Variants in IQSEC1 observed in about 807,000 individuals in gnomAD.
IQSEC1 encodes IQ motif and SEC7 domain-containing protein 1.
IQSEC1 carries 31 observed loss-of-function variants against 91.0 expected under a neutral mutation model. The ratio of observed to expected loss-of-function variants is 0.34; its 90% CI spans 0.26 to 0.46. The LOEUF (loss-of-function observed/expected upper bound fraction) is 0.46. Among genes scored for constraint, IQSEC1 ranks in the 20% least tolerant of loss-of-function variants. IQSEC1 has a pLI of 1.00. For synonymous variants in IQSEC1, 699 were observed against 662.6 expected, an observed-to-expected ratio of 1.05 and a Z score of -0.84; for missense variants, 1,388 against 1,575.6, an observed-to-expected ratio of 0.88 and a Z score of 2.02.
At chr3:12,953,648 G>C (rs543054298) in intron 1 of IQSEC1, among the ~76,000 whole-genome samples, 3 of 152,208 alleles carry the variant, frequency 2.0e-5, no homozygotes, top group Admixed American at 6.5e-5. Flanking sequence ...AGCAGTCAGC[G>C]TACAGGGGGC....
chr3:13,241,416 T>C (rs1695019586), intron 1 of IQSEC1, among the ~76,000 whole-genome samples: 1 of 152,220 alleles, frequency 6.6e-6, no homozygotes, highest in African/African-American at 2.4e-5. Flanking sequence ...TTCTCCATTT[T>C]CTACGCCTGG....
intron 1 of IQSEC1, among the ~76,000 whole-genome samples, chr3:13,235,957 G>A (rs945526189): frequency 6.6e-6 from 1 of 152,128 alleles, no homozygotes; most frequent in Non-Finnish European, 1.5e-5. Flanking sequence ...TGGTCCTGTC[G>A]CCTTGTAGTG....
intron 2 of IQSEC1, among the ~76,000 whole-genome samples, chr3:13,078,658 C>G (rs535798253): frequency 8.0e-5 from 12 of 149,826 alleles, no homozygotes; most frequent in Admixed American, 2.7e-4. Flanking sequence ...GCAGTCAGAC[C>G]AGGGCCCATC....
chr3:13,102,643 C>T (rs1289844840), intron 2 of IQSEC1, among the ~76,000 whole-genome samples: 3 of 152,166 alleles, frequency 2.0e-5, no homozygotes, highest in Admixed American at 1.3e-4. Context: ...TTGGTAACCA[C>T]GGAGCTCCCC....
At chr3:13,179,829 C>T (rs942174369) in intron 1 of IQSEC1, among the ~76,000 whole-genome samples, 9 of 152,198 alleles carry the variant, frequency 5.9e-5, no homozygotes, top group East Asian at 3.9e-4. Context: ...GGCATGGGCT[C>T]GGCGGGCCCT....
chr3:12,927,375 T>C (rs1559631989), intron 3 of IQSEC1, among the ~76,000 whole-genome samples: 1 of 145,940 alleles, frequency 6.9e-6, no homozygotes, highest in African/African-American at 2.7e-5. Flanking sequence ...CCCCGACCCC[T>C]GCTGCCTGGT....
intron 1 of IQSEC1, among the ~76,000 whole-genome samples, chr3:13,061,049 C>T (rs1430966423): frequency 6.6e-6 from 1 of 152,168 alleles, no homozygotes; most frequent in Non-Finnish European, 1.5e-5. Flanking sequence ...AATACACATA[C>T]ACAAGGGTGA....
chr3:12,935,885 G>A lies in IQSEC1; in HGVS notation c.1131C>T (p.Asp377=). Residue 377 remains aspartate, a synonymous_variant, in exon 3 of 14, where the codon GAC becomes GAT. Transcript: ENST00000613206. The surrounding 1 kb of genome is among the most constrained non-coding windows in gnomAD (Gnocchi z 8.0). ...ACCCCCGCTCCGAGCGGTCACTAAGGTCCACAGAGCTGTCGCTGGGTGGCT... is the reference window on the plus strand; with the variant it reads ...ACCCCCGCTCCGAGCGGTCACTAAGATCCACAGAGCTGTCGCTGGGTGGCT... The part of the protein sequence containing the change: ...TIEPPSDSSV[D]LSDRSERGSL... The A allele has an allele frequency of 1.2e-6, 2 of 1,605,426 alleles. No homozygotes were observed. Among genetic ancestry groups the A allele is most frequent in the South Asian group, 1.1e-5 (1 of 91,084 alleles).
chr3:12,902,686 A>AAAAAAAAAAAAAAAAAAAAAAAAG, intron 13 of IQSEC1, 87 bp downstream of exon 13: 1 of 677,766 alleles, frequency 1.5e-6, no homozygotes. Context: ...AAAAAAAAAA[A>AAAAAAAAAAAAAAAAAAAAAAAAG]AAAAAAAACC....
intron 1 of IQSEC1, among the ~76,000 whole-genome samples, chr3:13,072,536 A>G (rs1258327688): frequency 6.6e-6 from 1 of 152,154 alleles, no homozygotes; most frequent in African/African-American, 2.4e-5. Context: ...GGTGGGCTGG[A>G]CCTTCACCTG....
chr3:12,903,338 G>A (rs1321999872), intron 12 of IQSEC1, among the ~76,000 whole-genome samples: 2 of 151,968 alleles, frequency 1.3e-5, no homozygotes, highest in Admixed American at 1.3e-4. Flanking sequence ...AGCACTGAGG[G>A]TGAAGAGGAA....
At chr3:13,238,545 T>G (rs1694970648) in intron 1 of IQSEC1, among the ~76,000 whole-genome samples, 1 of 152,094 alleles carries the variant, frequency 6.6e-6, no homozygotes, top group South Asian at 2.1e-4. Flanking sequence ...CATCCATCCT[T>G]CCCAGTAGGA....
intron 8 of IQSEC1, among the ~76,000 whole-genome samples, 199 bp downstream of exon 8, chr3:12,914,905 C>T (rs961617173): frequency 6.6e-6 from 1 of 152,052 alleles, no homozygotes; most frequent in Non-Finnish European, 1.5e-5. Flanking sequence ...GCAGGAGTCT[C>T]CCCTGACAGC....
chr3:12,906,563 C>T (rs954557086), intron 12 of IQSEC1, among the ~76,000 whole-genome samples: 7 of 152,258 alleles, frequency 4.6e-5, no homozygotes, highest in African/African-American at 1.7e-4. Context: ...GTTTCAATGG[C>T]AGGCCCAGGG....
intron 1 of IQSEC1, among the ~76,000 whole-genome samples, chr3:13,187,181 A>G (rs1321172817): frequency 6.6e-6 from 1 of 152,160 alleles, no homozygotes; most frequent in Non-Finnish European, 1.5e-5. Flanking sequence ...AGTATCTACT[A>G]TGGGTTAGGC....
At chr3:13,020,189 G>A (rs1703335010) in intron 1 of IQSEC1, among the ~76,000 whole-genome samples, 2 of 152,322 alleles carry the variant, frequency 1.3e-5, no homozygotes, top group South Asian at 4.1e-4. Context: ...CAAAGTCCAG[G>A]ACTCACCCGC....
At chr3:12,962,768 C>T (rs556117472) in intron 1 of IQSEC1, among the ~76,000 whole-genome samples, 1 of 152,354 alleles carries the variant, frequency 6.6e-6, no homozygotes, top group African/African-American at 2.4e-5. Flanking sequence ...AGGACACTGT[C>T]CCAGAATCCT....
intron 2 of IQSEC1, among the ~76,000 whole-genome samples, chr3:13,136,557 A>T (rs1248483548): frequency 6.6e-6 from 1 of 152,210 alleles, no homozygotes; most frequent in Non-Finnish European, 1.5e-5. Flanking sequence ...CGGATCCAGG[A>T]TACAGACAGA....
intron 1 of IQSEC1, among the ~76,000 whole-genome samples, chr3:12,981,377 C>T (rs1701448252): frequency 6.6e-6 from 1 of 152,298 alleles, no homozygotes; most frequent in Admixed American, 6.5e-5. Context: ...GGGGGGATAA[C>T]ATTTGTTTCT....
Sources: allele counts gnomAD v4.1 joint callset (sites outside exome capture counted in the v4.1 genomes callset), GRCh38; gene constraint gnomAD v4.1.1; non-coding constraint Gnocchi (gnomAD v3.1); transcripts MANE v1.5; gene names NCBI Gene and HGNC (gene_info 2026-07-23, HGNC 2026-07-21).